The following KCND2 variants were observed in gnomAD, a reference collection of about 807,000 sequenced individuals.
The protein encoded by KCND2 is potassium voltage-gated channel subfamily D member 2.
Under a neutral mutation model 54.4 loss-of-function variants are expected in KCND2, and 16 were observed. The observed-to-expected ratio is 0.29, with a 90% CI of 0.20 to 0.45. KCND2 has a LOEUF of 0.45. Ranked by LOEUF, KCND2 falls within the 20% of genes least tolerant of loss-of-function variation. The pLI is 1.00. For synonymous variants in KCND2, 317 were observed against 310.7 expected (o/e 1.02, Z -0.21); for missense variants, 486 against 824.2 (o/e 0.59, Z 5.02).
intron 1 of KCND2, among the ~76,000 whole-genome samples, chr7:120,316,504 A>G (rs1006890193): frequency 6.6e-6 from 1 of 152,240 alleles, no homozygotes; most frequent in Non-Finnish European, 1.5e-5. Flanking sequence ...TTTCAGCATC[A>G]CACGTGTAGG....
At chr7:120,406,605 A>G (rs77070548) in intron 1 of KCND2, among the ~76,000 whole-genome samples, 4,063 of 152,168 alleles carry the variant, frequency 0.027, 85 homozygotes, top group Non-Finnish European at 0.045. Context: ...AGCAAAATTA[A>G]TGGTGTAGGC....
At chr7:120,673,836 GT>G (rs1381053447) in intron 1 of KCND2, among the ~76,000 whole-genome samples, 1 of 151,858 alleles carries the variant, frequency 6.6e-6, no homozygotes, top group Non-Finnish European at 1.5e-5. Flanking sequence ...ATCACGTGGA[GT>G]TTTTGAAGGT....
chr7:120,591,935 T>C (rs1792677321), intron 1 of KCND2, among the ~76,000 whole-genome samples: 1 of 152,180 alleles, frequency 6.6e-6, no homozygotes, highest in Non-Finnish European at 1.5e-5. Flanking sequence ...GTGCAAATGG[T>C]TTTATAGAAT....
At chr7:120,396,589 C>T (rs1801158639) in intron 1 of KCND2, among the ~76,000 whole-genome samples, 1 of 151,892 alleles carries the variant, frequency 6.6e-6, no homozygotes, top group South Asian at 2.1e-4. Context: ...TGAGTTTCTA[C>T]TAACGTTGGA....
At chr7:120,594,944 C>T (rs969659577) in intron 1 of KCND2, among the ~76,000 whole-genome samples, 7 of 151,348 alleles carry the variant, frequency 4.6e-5, no homozygotes, top group South Asian at 2.1e-4. Context: ...CGCTTAAACC[C>T]GGGAGGCGGA....
At chr7:120,311,537 A>G (rs1799735843) in intron 1 of KCND2, among the ~76,000 whole-genome samples, 1 of 152,126 alleles carries the variant, frequency 6.6e-6, no homozygotes, top group Admixed American at 6.6e-5. Flanking sequence ...ATTAACCACA[A>G]CATTACAGTA....
chr7:120,725,278 C>T (rs1206593351), intron 1 of KCND2, among the ~76,000 whole-genome samples: 2 of 152,116 alleles, frequency 1.3e-5, no homozygotes, highest in Non-Finnish European at 2.9e-5. Flanking sequence ...ATGTAATTTT[C>T]ACACTAAGGG....
intron 1 of KCND2, among the ~76,000 whole-genome samples, chr7:120,535,840 T>C (rs917702315): frequency 2.5e-4 from 38 of 152,284 alleles, no homozygotes; most frequent in African/African-American, 8.9e-4. Context: ...AGATAGGCCA[T>C]GATGCTCAGA....
At chr7:120,620,810 A>G (rs1793088493) in intron 1 of KCND2, among the ~76,000 whole-genome samples, 1 of 152,236 alleles carries the variant, frequency 6.6e-6, no homozygotes, top group Admixed American at 6.5e-5. Context: ...GAAACAGCTT[A>G]CTGTTCATGC....
chr7:120,303,553 A>G (rs953663284), intron 1 of KCND2, among the ~76,000 whole-genome samples: 4 of 152,194 alleles, frequency 2.6e-5, no homozygotes, highest in African/African-American at 9.6e-5. Context: ...TATCCTCAAT[A>G]TTCTGCCAAA....
chr7:120,555,758 T>A (rs897480805), intron 1 of KCND2, among the ~76,000 whole-genome samples: 1 of 152,230 alleles, frequency 6.6e-6, no homozygotes, highest in Non-Finnish European at 1.5e-5. Flanking sequence ...AAGTTTCCAA[T>A]TGAGCTGCTC....
rs148052947 is a variant in KCND2 at position 120,534,629 on chromosome 7, G to C, written c.1116-198274G>C. The stretch of plus-strand genomic sequence containing the variant: ...GGGTGTTTTTTCAGTTGATAGCAAT[G>C]TATCAATGTCAATTTCTTAATTGTG... On this transcript the variant is annotated intron_variant, in intron 1 of 5. Coordinates refer to ENST00000331113, the MANE Select transcript of KCND2 (RefSeq NM_012281.3). Among the ~76,000 whole-genome samples, 41 of 152,234 alleles carry C rather than the reference G, an allele frequency of 2.7e-4. No individual in the cohort carries two copies. In the East Asian group the frequency reaches 7.7e-3, roughly 29 times the overall value.
chr7:120,403,329 C>A (rs943311977), intron 1 of KCND2, among the ~76,000 whole-genome samples: 2 of 128,326 alleles, frequency 1.6e-5, no homozygotes, highest in African/African-American at 6.0e-5. Flanking sequence ...TTTTTTTTTT[C>A]TTTTATAGAC....
rs1018014852 is a variant in KCND2 at position 120,280,389 on chromosome 7, C to CAG, written c.1115+4645_1115+4646dup. Among the ~76,000 whole-genome samples, 29 of 152,146 alleles carry CAG rather than the reference C, an allele frequency of 1.9e-4. 1 individual carries two copies. The highest frequency in any genetic ancestry group is 6.7e-4 in the African/African-American group (28 of 41,554). Reference sequence around the variant, plus strand: ...CTTCAGCATTTACTTGGTTGCCAGACAGAGGTATTTCAGAAAAGGTTTAAT... The same window carrying CAG: ...CTTCAGCATTTACTTGGTTGCCAGACAGAGAGGTATTTCAGAAAAGGTTTAAT... On this transcript the variant is annotated intron_variant, in intron 1 of 5. Coordinates refer to ENST00000331113, the MANE Select transcript of KCND2 (RefSeq NM_012281.3).
chr7:120,484,906 G>T (rs890181959), intron 1 of KCND2, among the ~76,000 whole-genome samples: 1 of 152,096 alleles, frequency 6.6e-6, no homozygotes, highest in African/African-American at 2.4e-5. Flanking sequence ...AAGAGACAGG[G>T]TCTTGCTTTA....
rs1803218091 is a variant in KCND2, at chr7:120,517,814, A to G, written c.1116-215089A>G. 3.3e-5 allele frequency among the ~76,000 whole-genome samples: 5 copies of G among 152,138 alleles called. 1 individual carries two copies. The highest frequency in any genetic ancestry group is 3.3e-4 in the Admixed American group (5 of 15,260). ...TTTGATATAAAACCTCCTAAATTTC[A>G]TGCCAGTTGTCAATCTCCTACTATT... On this transcript the variant is annotated intron_variant, in intron 1 of 5. Transcript: ENST00000331113.
At chr7:120,398,400 T>G (rs1016813132) in intron 1 of KCND2, among the ~76,000 whole-genome samples, 10 of 152,030 alleles carry the variant, frequency 6.6e-5, no homozygotes, top group Admixed American at 2.0e-4. Context: ...GCTAGATGAC[T>G]AGGATACAAA....
chr7:120,463,933 A>AGATAGATC (rs1268590499), intron 1 of KCND2: 2 of 322,770 alleles, frequency 6.2e-6, no homozygotes, highest in African/African-American at 4.7e-5. Flanking sequence ...ATAGATAGAT[A>AGATAGATC]GATAGATAGA....
chr7:120,285,216 A>G (rs1799322526), intron 1 of KCND2, among the ~76,000 whole-genome samples: 1 of 152,102 alleles, frequency 6.6e-6, no homozygotes, highest in Admixed American at 6.5e-5. Flanking sequence ...CACAATGCAG[A>G]ATATTTTATT....
Sources: allele counts gnomAD v4.1 joint callset (sites outside exome capture counted in the v4.1 genomes callset), GRCh38; gene constraint gnomAD v4.1.1; transcripts MANE v1.5; gene names NCBI Gene and HGNC (gene_info 2026-07-23, HGNC 2026-07-21).